Variants in LIPA observed in about 807,000 individuals in gnomAD.
LIPA encodes the protein lipase A, lysosomal acid type.
LIPA carries 26 observed loss-of-function variants against 40.6 expected under a neutral mutation model. The observed-to-expected ratio is 0.64, with a 90% CI of 0.47 to 0.89. The LOEUF is 0.89. Ranked by LOEUF, LIPA falls within the 40% of genes least tolerant of loss-of-function variation. The pLI, the probability that LIPA is intolerant of heterozygous loss-of-function variation, is 0.00. For synonymous variants in LIPA, 188 were observed against 168.4 expected, an observed-to-expected ratio of 1.12 and a Z score of -0.90; for missense variants, 455 against 479.6, an observed-to-expected ratio of 0.95 and a Z score of 0.48.
At chr10:89,303,137 A>G (rs1843456453) in intron 1 of LIPA, among the ~76,000 whole-genome samples, 1 of 152,130 alleles carries the variant, frequency 6.6e-6, no homozygotes, top group South Asian at 2.1e-4. Flanking sequence ...TTCCCATTAC[A>G]ATACAGACCC....
intron 3 of LIPA, among the ~76,000 whole-genome samples, chr10:89,236,724 C>G (rs1444708319): frequency 6.6e-6 from 1 of 151,260 alleles, no homozygotes; most frequent in Non-Finnish European, 1.5e-5. Context: ...GTGCCAAAAC[C>G]TTGCACTTTT....
chr10:89,316,664 G>C (rs920993915), intron 1 of LIPA, among the ~76,000 whole-genome samples: 1 of 152,206 alleles, frequency 6.6e-6, no homozygotes, highest in African/African-American at 2.4e-5. Context: ...ACAAAAGGCA[G>C]CAGAAACTTC....
chr10:89,233,487 A>G (rs779990406), intron 3 of LIPA, among the ~76,000 whole-genome samples: 4 of 152,240 alleles, frequency 2.6e-5, no homozygotes. Context: ...AGAAGGTAAA[A>G]TATCAAGAAG....
intron 2 of LIPA, chr10:89,383,835 C>T (rs750985695): frequency 5.0e-6 from 8 of 1,614,084 alleles, no homozygotes; most frequent in Non-Finnish European, 5.9e-6. Flanking sequence ...ACCCTGAAAA[C>T]CCTGAATTCA....
intron 1 of LIPA, among the ~76,000 whole-genome samples, chr10:89,269,848 G>A (rs141646936): frequency 2.0e-3 from 308 of 152,254 alleles, no homozygotes; most frequent in African/African-American, 7.0e-3. Context: ...TGAATCTGCA[G>A]GTACAGATTT....
rs191611262 is a variant in LIPA at position 89,395,320 on chromosome 10, G to A, written c.61+17471C>T. Among the ~76,000 whole-genome samples, 15 of 152,120 alleles carry A rather than the reference G, an allele frequency of 9.9e-5. No homozygotes were observed. The South Asian group carries it at 1.9e-3, about 19-fold the overall frequency. On this transcript the variant is annotated intron_variant, in intron 2 of 8. Coordinates refer to the LIPA transcript ENST00000371837. ...TCCACAGGAAACCCACCTAGGTAACGCCCTGGCCTCCCATAAAGGCTTGGG... is the reference window on the plus strand; with the variant it reads ...TCCACAGGAAACCCACCTAGGTAACACCCTGGCCTCCCATAAAGGCTTGGG...
At chr10:89,311,376 A>C (rs1843514586) in intron 1 of LIPA, among the ~76,000 whole-genome samples, 1 of 152,092 alleles carries the variant, frequency 6.6e-6, no homozygotes, top group East Asian at 1.9e-4. Context: ...AAATACAAAA[A>C]AAAATTAACC....
intron 1 of LIPA, among the ~76,000 whole-genome samples, chr10:89,323,192 C>T (rs1253343277): frequency 3.3e-5 from 5 of 152,114 alleles, no homozygotes; most frequent in Non-Finnish European, 7.3e-5. Context: ...ACTGAAACCA[C>T]GTGATCATCT....
At chr10:89,347,349 A>G (rs983243248), upstream of LIPA, among the ~76,000 whole-genome samples, 4 of 152,256 alleles carry the variant, frequency 2.6e-5, no homozygotes, top group Admixed American at 6.5e-5. Flanking sequence ...CCAAAATTCC[A>G]GACTTCGAGA....
chr10:89,227,502 C>T lies in LIPA; in HGVS notation c.429-498G>A, dbSNP rs181648736. ...GTGTTTCATGTCCTTAGAGGTGCCT[C>T]TGGTTTTAAAAATGGGAAGCAAGCC... is the stretch of plus-strand genomic sequence containing the variant. On this transcript the variant is annotated intron_variant, in intron 4 of 9. Transcript: ENST00000336233. Among the ~76,000 whole-genome samples the T allele has an allele frequency of 2.4e-4, 36 of 152,290 alleles. No homozygotes were observed. The East Asian group carries it at 6.6e-3, about 28-fold the overall frequency.
At chr10:89,259,479 C>A (rs2104883) in intron 1 of LIPA, among the ~76,000 whole-genome samples, 110,450 of 152,188 alleles carry the variant, frequency 0.73, 40,980 homozygotes, top group East Asian at 0.97. Context: ...GGAATGTAAA[C>A]TGGTACAATC....
At chr10:89,319,768 A>C (rs1044470768) in intron 1 of LIPA, among the ~76,000 whole-genome samples, 1 of 152,252 alleles carries the variant, frequency 6.6e-6, no homozygotes, top group African/African-American at 2.4e-5. Flanking sequence ...AAAAAAGAGA[A>C]TATCAGGCCA....
chr10:89,390,265 C>T (rs1330630505), intron 2 of LIPA, among the ~76,000 whole-genome samples: 1 of 152,036 alleles, frequency 6.6e-6, no homozygotes, highest in Non-Finnish European at 1.5e-5. Flanking sequence ...GGATTACAGG[C>T]GTGAGCCACT....
At chr10:89,368,242 G>T (rs1189621931) in intron 2 of LIPA, among the ~76,000 whole-genome samples, 3 of 152,226 alleles carry the variant, frequency 2.0e-5, no homozygotes, top group African/African-American at 7.2e-5. Flanking sequence ...TATTCCACTA[G>T]CACAGAGCTA....
chr10:89,369,015 G>A (rs986015859), intron 2 of LIPA, among the ~76,000 whole-genome samples: 5 of 152,044 alleles, frequency 3.3e-5, no homozygotes, highest in African/African-American at 4.8e-5. Flanking sequence ...GAGCTGCCAG[G>A]TGTCTACCAC....
chr10:89,366,824 G>A (rs542030277), intron 2 of LIPA, among the ~76,000 whole-genome samples: 1 of 152,194 alleles, frequency 6.6e-6, no homozygotes, highest in Non-Finnish European at 1.5e-5. Flanking sequence ...CCCATTACTG[G>A]GTATATACCC....
At chr10:89,319,353 GAT>G (rs1843558551) in intron 1 of LIPA, among the ~76,000 whole-genome samples, 1 of 152,116 alleles carries the variant, frequency 6.6e-6, no homozygotes, top group African/African-American at 2.4e-5. Flanking sequence ...GAATCAAATA[GAT>G]GCAATTAAAA....
chr10:89,404,575 C>T (rs1353650742), intron 2 of LIPA: 1 of 152,206 alleles, frequency 6.6e-6, no homozygotes, highest in Non-Finnish European at 1.5e-5. Context: ...CTAGCCAATC[C>T]ACCAACCATA....
intron 1 of LIPA, chr10:89,307,577 T>G (rs1332234515): frequency 6.0e-6 from 3 of 503,120 alleles, no homozygotes; most frequent in African/African-American, 1.9e-5. Context: ...GGGACCAGAT[T>G]GGGGGGTAGG....
Sources: allele counts gnomAD v4.1 joint callset (sites outside exome capture counted in the v4.1 genomes callset), GRCh38; gene constraint gnomAD v4.1.1; transcripts MANE v1.5; gene names NCBI Gene and HGNC (gene_info 2026-07-23, HGNC 2026-07-21).